The following VGLL1 variants were observed in gnomAD, a reference collection of about 807,000 sequenced individuals.
VGLL1 encodes transcription cofactor vestigial-like protein 1.
A neutral mutation model predicts 12.0 loss-of-function variants in VGLL1; 4 were observed. The observed-to-expected ratio is 0.33, with a 90% CI of 0.16 to 0.76. The LOEUF is 0.76. Among genes scored for constraint, VGLL1 ranks in the 30% least tolerant of loss-of-function variants. The pLI is 0.60. For missense variants in VGLL1, 204 were observed against 208.7 expected (o/e 0.98, Z 0.14); for synonymous variants, 87 against 81.2 (o/e 1.07, Z -0.39).
At chrX:136,554,903 A>G (rs192987997) in intron 4 of VGLL1, among the ~76,000 whole-genome samples, 3 of 112,620 alleles carry the variant, frequency 2.7e-5, no homozygotes, top group East Asian at 5.6e-4. Flanking sequence ...ATGTAAGTGA[A>G]GAAAGTCTGG....
At chrX:136,532,380 C>T (rs752139885) in intron 1 of VGLL1, 84 bp downstream of exon 1, 1 of 111,555 alleles carries the variant, frequency 9.0e-6, no homozygotes, top group Non-Finnish European at 1.9e-5. Flanking sequence ...AAATACTTTG[C>T]TCAATGAGAT....
chrX:136,532,431 T>C (rs1005707097), intron 1 of VGLL1, 135 bp downstream of exon 1: 4 of 111,445 alleles, frequency 3.6e-5, no homozygotes, highest in Non-Finnish European at 7.5e-5. Flanking sequence ...AAGTGATTGG[T>C]TTGACAAACT....
intron 1 of VGLL1, among the ~76,000 whole-genome samples, chrX:136,532,887 A>G (rs1323451548): frequency 9.1e-6 from 1 of 109,345 alleles, no homozygotes; most frequent in Non-Finnish European, 1.9e-5. Context: ...TAAGCCAGGC[A>G]CTGATATGGA....
At chrX:136,555,014 GC>G (rs1175251239) in intron 4 of VGLL1, among the ~76,000 whole-genome samples, 1 of 112,222 alleles carries the variant, frequency 8.9e-6, no homozygotes, top group African/African-American at 3.2e-5. Context: ...AGAGAGGAGA[GC>G]TGCAGAAAGA....
In VGLL1 at chrX:136,532,647, TTCTTTCTTTCTTTC is replaced by T. The variant is rs1220883288; in HGVS notation, c.-26+353_-26+366del. Among the ~76,000 whole-genome samples the T allele has an allele frequency of 9.4e-5, 7 of 74,452 alleles. No homozygotes were observed. The Admixed American group carries it at 1.1e-3, about 12-fold the overall frequency. 64.7% of individuals were successfully genotyped at this position (74,452 alleles called of 115,157 possible). Reference sequence around the variant, plus strand: ...TTTCTTTCTTTCTTTCTTTCTTTCTTTCTTTCTTTCTTTCTTTTTCTTTCTTTCTTCTTTCTTTC... The same window carrying T: ...TTTCTTTCTTTCTTTCTTTCTTTCTTTTTTTCTTTCTTTCTTCTTTCTTTC... On this transcript the variant is annotated intron_variant, in intron 1 of 4. Coordinates refer to ENST00000370634, the MANE Select transcript of VGLL1 (RefSeq NM_016267.4).
chrX:136,532,599 TTCTTTCTTTC>T (rs1399397183), intron 1 of VGLL1, among the ~76,000 whole-genome samples: 147 of 81,030 alleles, frequency 1.8e-3, no homozygotes, highest in African/African-American at 6.3e-3. Context: ...CTTTCTTTCT[TTCTTTCTTTC>T]TTTCTTTCTT....
At chrX:136,547,528 G>T (rs1032353151) in intron 2 of VGLL1, among the ~76,000 whole-genome samples, 9 of 111,910 alleles carry the variant, frequency 8.0e-5, no homozygotes, top group African/African-American at 2.9e-4. Context: ...TATCGTTCCA[G>T]CTCACTTCCC....
intron 2 of VGLL1, among the ~76,000 whole-genome samples, chrX:136,548,236 A>C (rs1239809491): frequency 8.9e-6 from 1 of 111,895 alleles, no homozygotes; most frequent in Non-Finnish European, 1.9e-5. Flanking sequence ...CCTGGCTTCA[A>C]GTGATCTGCC....
chrX:136,544,573 A>T lies in VGLL1; in HGVS notation c.215-4016A>T, dbSNP rs753576162. ...GTGTGTCCTTAGACAAGTCACTTTA[A>T]CCATTCTGGGTCTCGATTTTCTCAT... is the stretch of plus-strand genomic sequence containing the variant. On this transcript the variant is annotated intron_variant, in intron 2 of 4. Coordinates refer to ENST00000370634, the MANE Select transcript of VGLL1 (RefSeq NM_016267.4). 4.4e-5 allele frequency among the ~76,000 whole-genome samples: 5 copies of T among 112,400 alleles called. No homozygotes were observed. The East Asian group carries it at 1.4e-3, about 31-fold the overall frequency.
intron 4 of VGLL1, among the ~76,000 whole-genome samples, chrX:136,553,380 G>A (rs1173360609): frequency 2.0e-5 from 2 of 99,802 alleles, no homozygotes; most frequent in Admixed American, 2.2e-4. Context: ...GCGCAATCTC[G>A]GCTCACTGCA....
At chrX:136,543,604 A>T (rs1345943353) in intron 2 of VGLL1, among the ~76,000 whole-genome samples, 2 of 110,856 alleles carry the variant, frequency 1.8e-5, no homozygotes, top group Non-Finnish European at 3.8e-5. Context: ...AAAAATATTT[A>T]AAAATTGTCC....
At position 136,548,725 on chromosome X, in the gene VGLL1, G is replaced by A. The variant is rs151216817; in HGVS notation, c.351G>A (p.Pro117=). The part of the protein sequence containing the change: ...PGPMAVNQFS[P]SLARRASVRP... Reference sequence around the variant, plus strand: ...CCATGGCTGTGAATCAGTTCTCACCGTCCCTGGCTAGGAGGGCCTCTGTTC... The same window carrying A: ...CCATGGCTGTGAATCAGTTCTCACCATCCCTGGCTAGGAGGGCCTCTGTTC... The change falls in exon 3 of 5, where the codon CCG becomes CCA. Residue 117 remains proline (P), a synonymous_variant. Transcript: ENST00000370634. 4.8e-5 allele frequency: 58 copies of A among 1,210,499 alleles called. No homozygotes were observed. The highest frequency in any genetic ancestry group is 1.2e-4 in the East Asian group (4 of 33,752).
chrX:136,536,330 A>G, intron 2 of VGLL1, 96 bp downstream of exon 2: 1 of 914,068 alleles, frequency 1.1e-6, no homozygotes, highest in Non-Finnish European at 1.5e-6. Context: ...GGACACTTAT[A>G]TGTTTGCTAA....
intron 2 of VGLL1, among the ~76,000 whole-genome samples, chrX:136,543,071 G>A (rs775674371): frequency 6.3e-5 from 7 of 111,470 alleles, no homozygotes; most frequent in East Asian, 2.8e-4. Context: ...AGTATTTGCC[G>A]GCAGATGGAA....
At chrX:136,545,392 C>CT (rs1301690286) in intron 2 of VGLL1, among the ~76,000 whole-genome samples, 1 of 111,607 alleles carries the variant, frequency 9.0e-6, no homozygotes, top group East Asian at 2.8e-4. Context: ...TAGAATAATA[C>CT]TTTTTCAGGG....
Position 136,556,420 on chromosome X carries a change from G to T in VGLL1, c.689-31G>T, listed in dbSNP as rs1331910708. 10 of 1,167,416 alleles carry T rather than the reference G, an allele frequency of 8.6e-6. No individual in the cohort carries two copies. In the East Asian group the frequency reaches 2.4e-4, roughly 28 times the overall value. ...ACAGCCTTCCATAGGGGCCTAACTG[G>T]CTTTCATTAACCATGTAACTTCTCC... On this transcript the variant is annotated intron_variant, in intron 4 of 4. Coordinates refer to ENST00000370634, the MANE Select transcript of VGLL1 (RefSeq NM_016267.4).
intron 4 of VGLL1, among the ~76,000 whole-genome samples, chrX:136,551,421 C>G (rs1226991213): frequency 1.8e-5 from 2 of 111,433 alleles, no homozygotes; most frequent in Non-Finnish European, 3.8e-5. Flanking sequence ...GGACTCTGAG[C>G]TCCACACTCA....
At chrX:136,548,519 T>TAA in intron 2 of VGLL1, 70 bp from the exon 3 acceptor site, 19 of 934,647 alleles carry the variant, frequency 2.0e-5, no homozygotes, top group African/African-American at 4.0e-5. Context: ...GAGTATGTAT[T>TAA]AAAAAAAAAA....
intron 2 of VGLL1, 87 bp downstream of exon 2, chrX:136,536,321 G>A: frequency 2.1e-6 from 2 of 964,687 alleles, no homozygotes; most frequent in Non-Finnish European, 2.9e-6. Flanking sequence ...GACACACTTG[G>A]ACACTTATAT....
Sources: allele counts gnomAD v4.1 joint callset (sites outside exome capture counted in the v4.1 genomes callset), GRCh38; gene constraint gnomAD v4.1.1; transcripts MANE v1.5; gene names NCBI Gene and HGNC (gene_info 2026-07-23, HGNC 2026-07-21).